Variants in KMT2A observed in about 807,000 individuals in gnomAD.
KMT2A encodes histone-lysine N-methyltransferase 2A.
A neutral mutation model predicts 345.3 loss-of-function variants in KMT2A; 16 were observed. The ratio of observed to expected loss-of-function variants is 0.05; its 90% CI spans 0.03 to 0.07. The LOEUF is 0.07. Ranked by LOEUF, KMT2A falls within the 10% of genes least tolerant of loss-of-function variation. KMT2A has a pLI of 1.00. For synonymous variants in KMT2A, 1,599 were observed against 1,778.6 expected, an observed-to-expected ratio of 0.90 and a Z score of 2.54; for missense variants, 3,272 against 4,841.6, an observed-to-expected ratio of 0.68 and a Z score of 9.62.
intron 1 of KMT2A, among the ~76,000 whole-genome samples, chr11:118,460,765 C>T (rs1949730678): frequency 6.6e-6 from 1 of 152,194 alleles, no homozygotes; most frequent in South Asian, 2.1e-4. Flanking sequence ...CTCCTGGTCT[C>T]CAGTGATCCT....
At chr11:118,515,501 TTTC>T (rs1950792343) in intron 31 of KMT2A, among the ~76,000 whole-genome samples, 1 of 152,104 alleles carries the variant, frequency 6.6e-6, no homozygotes, top group Admixed American at 6.5e-5. Context: ...CCTAGATTCT[TTTC>T]TTCTTTCCAC....
chr11:118,495,610 G>A lies in KMT2A; in HGVS notation c.5364-90G>A. 1 of 985,174 alleles carries A rather than the reference G, an allele frequency of 1.0e-6. No individual in the cohort carries two copies. The highest frequency in any genetic ancestry group is 1.5e-6 in the Non-Finnish European group (1 of 684,772). The allele number at this position is 985,174 out of a possible 1,614,324, so 61.0% of individuals were successfully genotyped here. A position where few individuals can be genotyped will look rare whatever the true frequency, so the allele number is the denominator to read the frequency against. On this transcript the variant is annotated intron_variant, in intron 18 of 35. Coordinates refer to ENST00000534358, the MANE Select transcript of KMT2A (RefSeq NM_001197104.2). This position sits in a 1 kb window ranked among gnomAD's most constrained non-coding sequence, Gnocchi z 4.1. ...ATATTCTGTGAATGGCTCCTACATGGGGCAACAGGTGATATCAAGAATTTA... is the reference window on the plus strand; with the variant it reads ...ATATTCTGTGAATGGCTCCTACATGAGGCAACAGGTGATATCAAGAATTTA...
chr11:118,458,716 T>G (rs1949692393), intron 1 of KMT2A, among the ~76,000 whole-genome samples: 1 of 152,220 alleles, frequency 6.6e-6, no homozygotes, highest in South Asian at 2.1e-4. Context: ...ACCTTGGTAT[T>G]TTGAAGCTTG....
At chr11:118,488,473 G>C (rs1555041530) in intron 10 of KMT2A, 141 bp from the exon 11 acceptor site, 1 of 832,990 alleles carries the variant, frequency 1.2e-6, no homozygotes, top group Non-Finnish European at 2.0e-6. Context: ...TTTTTACATA[G>C]TCATTGCTTA....
In KMT2A at chr11:118,505,818, T is replaced by C. The variant is rs2134408661; in HGVS notation, c.9926T>C (p.Val3309Ala). ...CCGGCACCCCTGTTACCACAGAGTG[T>C]GGGAGGAACTGCTGCCACAGCGGCA... is the stretch of plus-strand genomic sequence containing the variant. ...FEPAPLLPQSVGGTAATAAGT... is the reference protein window; with the variant it reads ...FEPAPLLPQSAGGTAATAAGT... The change falls in exon 27 of 36, where the codon GTG (valine) becomes GCG (alanine). Residue 3309 changes from valine (V) to alanine (A), a missense_variant. Val to Ala is a moderately conservative substitution (Grantham distance 64). Coordinates refer to ENST00000534358, the MANE Select transcript of KMT2A (RefSeq NM_001197104.2). The surrounding 1 kb of genome is among the most constrained non-coding windows in gnomAD (Gnocchi z 4.6). 5.6e-6 allele frequency: 9 copies of C among 1,614,170 alleles called. No individual in the cohort carries two copies. The highest frequency in any genetic ancestry group is 7.6e-6 in the Non-Finnish European group (9 of 1,180,022).
chr11:118,519,284 A>G (rs1950903821), intron 31 of KMT2A: 1 of 195,908 alleles, frequency 5.1e-6, no homozygotes, highest in Non-Finnish European at 1.1e-5. Context: ...GAAGCTAGTA[A>G]TTCCTGCCCT....
chr11:118,477,094 A>G, intron 4 of KMT2A, 112 bp downstream of exon 4: 1 of 978,302 alleles, frequency 1.0e-6, no homozygotes, highest in Non-Finnish European at 1.6e-6. Context: ...TGAAAAACAG[A>G]TGGCAAGAGG....
intron 8 of KMT2A, among the ~76,000 whole-genome samples, chr11:118,483,165 G>A (rs897326875): frequency 5.7e-4 from 86 of 151,562 alleles, no homozygotes; most frequent in Admixed American, 3.6e-3. Flanking sequence ...CCTGCGAGGC[G>A]GAGGCTGCAG....
chr11:118,513,296 C>T (rs990099290), intron 31 of KMT2A, among the ~76,000 whole-genome samples: 3 of 151,956 alleles, frequency 2.0e-5, no homozygotes, highest in African/African-American at 7.3e-5. Flanking sequence ...AGGTAGAAAC[C>T]TTCCATTGAC....
chr11:118,461,803 T>G (rs1295149157), intron 1 of KMT2A, among the ~76,000 whole-genome samples: 1 of 152,222 alleles, frequency 6.6e-6, no homozygotes, highest in Non-Finnish European at 1.5e-5. Context: ...GATTTCTAGA[T>G]AAGTTTAAAT....
rs150800017 is a variant in KMT2A, at chr11:118,489,816, C to G, written c.4504C>G (p.Arg1502Gly). 1.2e-5 allele frequency: 19 copies of G among 1,614,052 alleles called. No homozygotes were observed. Among genetic ancestry groups the G allele is most frequent in the Non-Finnish European group, 1.6e-5 (19 of 1,180,010 alleles). ...TKQLLECNKC[R>G]NSYHPECLGP... ...GCAGCTGCTGGAGTGTAATAAGTGC[C>G]GAAACAGCTATCACCCTGAGTGCCT... Residue 1502 changes from arginine (R) to glycine (G), a missense_variant, in exon 12 of 36, where the codon CGA (arginine) becomes GGA (glycine). Coordinates refer to ENST00000534358, the MANE Select transcript of KMT2A (RefSeq NM_001197104.2).
At position 118,510,596 on chromosome 11, in the gene KMT2A, A is replaced by T. The variant is rs1193098852; in HGVS notation, c.11071+478A>T. Among the ~76,000 whole-genome samples, 1 of 151,924 alleles carries T rather than the reference A, an allele frequency of 6.6e-6. No homozygotes were observed. Among genetic ancestry groups the T allele is most frequent in the Admixed American group, 6.6e-5 (1 of 15,250 alleles). Reference sequence around the variant, plus strand: ...CCCTCTCCCTCCTTTTGAATCTTACATGTTCTTCTCTCATAGCTTACATTT... The same window carrying T: ...CCCTCTCCCTCCTTTTGAATCTTACTTGTTCTTCTCTCATAGCTTACATTT... On this transcript the variant is annotated intron_variant, in intron 30 of 35. Coordinates refer to ENST00000534358, the MANE Select transcript of KMT2A (RefSeq NM_001197104.2). This position sits in a 1 kb window ranked among gnomAD's most constrained non-coding sequence, Gnocchi z 4.1.
chr11:118,453,973 C>T (rs1949591476), intron 1 of KMT2A, among the ~76,000 whole-genome samples: 1 of 152,166 alleles, frequency 6.6e-6, no homozygotes, highest in Admixed American at 6.5e-5. Context: ...GATTTATCGT[C>T]GATTTATCTC....
At chr11:118,439,158 C>CAAAAAAAAAAAAAGAA in intron 1 of KMT2A, 5 of 265,450 alleles carry the variant, frequency 1.9e-5, no homozygotes, top group East Asian at 9.3e-5. Context: ...GATACAGCAG[C>CAAAAAAAAAAAAAGAA]AAAAAAAAAA....
Position 118,497,451 on chromosome 11 carries a change from A to G in KMT2A, c.5665-485A>G, listed in dbSNP as rs2134361134. The stretch of plus-strand genomic sequence containing the variant: ...TGCTCTGTCACCCAGACTAGAGTAC[A>G]GTGGCATGCTTTTGGCTCACTGCAA... On this transcript the variant is annotated intron_variant, in intron 20 of 35. Coordinates refer to ENST00000534358, the MANE Select transcript of KMT2A (RefSeq NM_001197104.2). This position sits in a 1 kb window ranked among gnomAD's most constrained non-coding sequence, Gnocchi z 4.8. Among the ~76,000 whole-genome samples the G allele has an allele frequency of 6.6e-6, 1 of 152,318 alleles. No individual in the cohort carries two copies. Among genetic ancestry groups the G allele is most frequent in the East Asian group, 1.9e-4 (1 of 5,188 alleles).
At chr11:118,445,216 G>T (rs1226706857) in intron 1 of KMT2A, among the ~76,000 whole-genome samples, 2 of 152,078 alleles carry the variant, frequency 1.3e-5, no homozygotes, top group Non-Finnish European at 2.9e-5. Context: ...CAAATTGAAG[G>T]CCAGCCACCC....
chr11:118,444,722 C>T (rs1949382844), intron 1 of KMT2A, among the ~76,000 whole-genome samples: 1 of 152,174 alleles, frequency 6.6e-6, no homozygotes, highest in African/African-American at 2.4e-5. Flanking sequence ...TACAGGCATG[C>T]ACCACCACAC....
chr11:118,482,117 T>C (rs782803269), intron 7 of KMT2A, 25 bp downstream of exon 7: 6 of 1,571,690 alleles, frequency 3.8e-6, no homozygotes, highest in Admixed American at 2.0e-5. Flanking sequence ...CAAGAAGGAA[T>C]TGCTGAACCA....
Position 118,502,401 on chromosome 11 carries a change from GTCC to G in KMT2A, c.6511_6513del (p.Pro2171del). ...TTACTTTTTCTCTCTTGTTTAGGAAGTCCTACCCCAACCACTCATGAAATAGTC... is the reference window on the plus strand; with the variant it reads ...TTACTTTTTCTCTCTTGTTTAGGAAGTACCCCAACCACTCATGAAATAGTC... On this transcript the variant is annotated inframe_deletion, in exon 27 of 36. Transcript: ENST00000534358. The surrounding 1 kb of genome is among the most constrained non-coding windows in gnomAD (Gnocchi z 4.9). 6.3e-7 allele frequency: 1 copy of G among 1,591,056 alleles called. No homozygotes were observed. The highest frequency in any genetic ancestry group is 8.6e-7 in the Non-Finnish European group (1 of 1,168,144).
Sources: allele counts gnomAD v4.1 joint callset (sites outside exome capture counted in the v4.1 genomes callset), GRCh38; gene constraint gnomAD v4.1.1; non-coding constraint Gnocchi (gnomAD v3.1); transcripts MANE v1.5; gene names NCBI Gene and HGNC (gene_info 2026-07-23, HGNC 2026-07-21).